Variants in ANKH observed in about 807,000 individuals in gnomAD.
ANKH encodes mineralization regulator ANKH.
In ANKH, 15 loss-of-function variants were observed where a neutral mutation model predicts 49.0. That is an observed-to-expected ratio of 0.31 (90% CI 0.20 to 0.47). The LOEUF (loss-of-function observed/expected upper bound fraction) is 0.47, where lower values mean the gene tolerates loss of function less well. ANKH is among the 20% of genes least tolerant of loss of function. The pLI is 1.00. For synonymous variants in ANKH, 273 were observed against 260.0 expected (o/e 1.05, Z -0.48); for missense variants, 429 against 652.0 (o/e 0.66, Z 3.72).
intron 1 of ANKH, among the ~76,000 whole-genome samples, chr5:14,813,932 C>T (rs1740957960): frequency 1.3e-5 from 2 of 152,170 alleles, no homozygotes; most frequent in African/African-American, 4.8e-5. Flanking sequence ...CTGGCTTCCC[C>T]TGACAACTTG....
At chr5:14,740,953 CAT>C (rs1357036563) in intron 8 of ANKH, among the ~76,000 whole-genome samples, 4 of 152,330 alleles carry the variant, frequency 2.6e-5, no homozygotes, top group Non-Finnish European at 5.9e-5. Flanking sequence ...TTTAATAGGA[CAT>C]GTGTTGTGAC....
intron 1 of ANKH, among the ~76,000 whole-genome samples, chr5:14,813,838 A>G (rs892434414): frequency 6.6e-6 from 1 of 152,072 alleles, no homozygotes. Flanking sequence ...TACCCCTACA[A>G]CATGAGGCTA....
intron 9 of ANKH, among the ~76,000 whole-genome samples, chr5:14,714,818 T>G (rs1274804841): frequency 1.3e-5 from 2 of 152,154 alleles, no homozygotes; most frequent in Non-Finnish European, 2.9e-5. Flanking sequence ...TGGTGTCAAA[T>G]GGACAGTAAA....
chr5:14,724,602 C>G, intron 8 of ANKH: 2 of 985,244 alleles, frequency 2.0e-6, no homozygotes, highest in Non-Finnish European at 2.4e-6. Context: ...GAGCTAAGAA[C>G]CACGGAAGGG....
chr5:14,738,020 T>C (rs1256813553), intron 8 of ANKH, among the ~76,000 whole-genome samples: 1 of 152,206 alleles, frequency 6.6e-6, no homozygotes. Context: ...TCCATTTTCC[T>C]ACTCTACACC....
intron 1 of ANKH, among the ~76,000 whole-genome samples, chr5:14,777,492 A>G (rs1249794922): frequency 6.6e-6 from 1 of 152,224 alleles, no homozygotes; most frequent in Non-Finnish European, 1.5e-5. Flanking sequence ...ACCAAATCCC[A>G]CAGACATGAA....
At chr5:14,729,476 C>T (rs1455672046) in intron 8 of ANKH, among the ~76,000 whole-genome samples, 5 of 149,416 alleles carry the variant, frequency 3.3e-5, no homozygotes, top group East Asian at 4.0e-4. Context: ...GTTGTGCCAC[C>T]GCGCCTGACC....
At chr5:14,855,247 C>T (rs1234346342) in intron 1 of ANKH, among the ~76,000 whole-genome samples, 1 of 152,210 alleles carries the variant, frequency 6.6e-6, no homozygotes, top group African/African-American at 2.4e-5. Flanking sequence ...CAGAGCAAAG[C>T]CCCTGGTCTC....
At chr5:14,734,226 C>A (rs1385360861) in intron 8 of ANKH, among the ~76,000 whole-genome samples, 1 of 152,018 alleles carries the variant, frequency 6.6e-6, no homozygotes, top group Admixed American at 6.6e-5. Context: ...CCTGCTCTGC[C>A]GTAATCATTT....
chr5:14,719,271 G>A (rs1311036793), intron 8 of ANKH, among the ~76,000 whole-genome samples: 1 of 152,246 alleles, frequency 6.6e-6, no homozygotes, highest in Non-Finnish European at 1.5e-5. Flanking sequence ...TATCACTCAA[G>A]TGTGTTTAAA....
intron 1 of ANKH, among the ~76,000 whole-genome samples, chr5:14,785,551 G>A (rs191371994): frequency 3.9e-5 from 6 of 152,210 alleles, no homozygotes; most frequent in South Asian, 2.1e-4. Flanking sequence ...CTGCAGCACC[G>A]TAAGCCAATT....
intron 11 of ANKH, among the ~76,000 whole-genome samples, chr5:14,712,219 C>T (rs1351405361): frequency 6.6e-6 from 1 of 152,272 alleles, no homozygotes; most frequent in Non-Finnish European, 1.5e-5. Context: ...GCACGTCACG[C>T]ACCGTGAGCA....
At chr5:14,739,110 G>A (rs1005785311) in intron 8 of ANKH, among the ~76,000 whole-genome samples, 1 of 152,074 alleles carries the variant, frequency 6.6e-6, no homozygotes, top group Non-Finnish European at 1.5e-5. Context: ...ACAGTTTAAT[G>A]TTTAATTTAG....
chr5:14,836,457 A>T (rs1741656638), intron 1 of ANKH, among the ~76,000 whole-genome samples: 1 of 152,224 alleles, frequency 6.6e-6, no homozygotes, highest in African/African-American at 2.4e-5. Flanking sequence ...AATCACAAGC[A>T]TTCTTATACA....
intron 8 of ANKH, among the ~76,000 whole-genome samples, chr5:14,720,696 T>C (rs1561023550): frequency 6.6e-6 from 1 of 152,244 alleles, no homozygotes; most frequent in African/African-American, 2.4e-5. Flanking sequence ...ATCTAAGGGT[T>C]AGAGAGAGAC....
intron 8 of ANKH, among the ~76,000 whole-genome samples, chr5:14,719,395 A>C (rs557434521): frequency 4.6e-5 from 7 of 152,350 alleles, no homozygotes; most frequent in Admixed American, 3.9e-4. Context: ...TGGAGTGGAA[A>C]AGAGCAAGGC....
At chr5:14,800,140 T>C (rs914528662) in intron 1 of ANKH, among the ~76,000 whole-genome samples, 4 of 152,160 alleles carry the variant, frequency 2.6e-5, no homozygotes, top group African/African-American at 7.2e-5. Flanking sequence ...GCAAGAGAAC[T>C]AGAGTTAGAA....
intron 1 of ANKH, among the ~76,000 whole-genome samples, chr5:14,800,579 T>C (rs536902008): frequency 7.9e-5 from 12 of 152,336 alleles, no homozygotes; most frequent in African/African-American, 2.9e-4. Context: ...ATCCACAAAA[T>C]GATTACAACT....
At position 14,829,257 on chromosome 5, in the gene ANKH, C is replaced by T. The variant is rs946520425; in HGVS notation, c.96+42095G>A. Among the ~76,000 whole-genome samples, 5 of 148,188 alleles carry T rather than the reference C, an allele frequency of 3.4e-5. No individual in the cohort carries two copies. In the East Asian group the frequency reaches 1.0e-3, roughly 30 times the overall value. ...TACTGCAGTTTTTGTTAATCTATGACTCTTACTGTCCATTGTAATGAAGAG... is the reference window on the plus strand; with the variant it reads ...TACTGCAGTTTTTGTTAATCTATGATTCTTACTGTCCATTGTAATGAAGAG... On this transcript the variant is annotated intron_variant, in intron 1 of 11. Transcript: ENST00000284268.
Sources: gnomAD v4.1 joint callset for allele counts (sites outside exome capture counted in the v4.1 genomes callset) on GRCh38, gnomAD v4.1.1 for gene constraint, MANE v1.5 for transcripts, NCBI Gene and HGNC (gene_info 2026-07-23, HGNC 2026-07-21) for gene names.